CDK11B: variants seen among roughly 807,000 people sequenced by gnomAD.
The protein encoded by CDK11B is cyclin dependent kinase 11B, also known as cyclin-dependent kinase 11B.
A neutral mutation model predicts 84.0 loss-of-function variants in CDK11B; 37 were observed. The ratio of observed to expected loss-of-function variants is 0.44; its 90% CI spans 0.34 to 0.58. The LOEUF (loss-of-function observed/expected upper bound fraction) is 0.58, where lower values mean the gene tolerates loss of function less well. CDK11B is among the 20% of genes least tolerant of loss of function. The pLI, the probability that CDK11B is intolerant of heterozygous loss-of-function variation, is 0.02. For missense variants in CDK11B, 427 were observed against 834.0 expected, an observed-to-expected ratio of 0.51 and a Z score of 6.01; for synonymous variants, 269 against 309.8, an observed-to-expected ratio of 0.87 and a Z score of 1.38.
chr1:1,653,587 T>G (rs534878965), intron 3 of CDK11B, among the ~76,000 whole-genome samples: 1 of 151,782 alleles, frequency 6.6e-6, no homozygotes, highest in South Asian at 2.1e-4. Flanking sequence ...TCTCAAAGTG[T>G]TGGGATTACA....
At chr1:1,652,088 C>A (rs1225643993) in intron 4 of CDK11B, among the ~76,000 whole-genome samples, 1 of 144,180 alleles carries the variant, frequency 6.9e-6, no homozygotes, top group Non-Finnish European at 1.5e-5. Flanking sequence ...CCCTTCTGAA[C>A]GGTCTGTGAC....
chr1:1,641,325 G>A (rs1459337299), intron 9 of CDK11B, among the ~76,000 whole-genome samples: 3 of 147,368 alleles, frequency 2.0e-5, no homozygotes, highest in African/African-American at 4.9e-5. Flanking sequence ...CCTGGCCAAC[G>A]TGGTGAAACC....
intron 3 of CDK11B, chr1:1,654,065 G>C: frequency 2.3e-6 from 1 of 434,670 alleles, no homozygotes; most frequent in Non-Finnish European, 4.6e-6. Flanking sequence ...TCATTTAACA[G>C]TATCTTCAGC....
intron 2 of CDK11B, among the ~76,000 whole-genome samples, chr1:1,656,718 C>T (rs190390566): frequency 1.4e-3 from 209 of 152,058 alleles, no homozygotes; most frequent in Admixed American, 3.1e-3. Context: ...TGAACCCGGC[C>T]CTGGGCGACA....
rs1264208241 is a variant in CDK11B, at chr1:1,647,312, G to C, written c.495-2050C>G. 3.9e-5 allele frequency among the ~76,000 whole-genome samples: 6 copies of C among 152,370 alleles called. No homozygotes were observed. In the South Asian group the frequency reaches 8.3e-4, roughly 21 times the overall value. ...CACTGTCATACTTCTTTGTATTTTA[G>C]ATAATACATTTGTAGCAATTCTGGA... On this transcript the variant is annotated intron_variant, in intron 5 of 19. Transcript: ENST00000341832.
chr1:1,638,314 C>T (rs1475824082), intron 12 of CDK11B, among the ~76,000 whole-genome samples, 186 bp downstream of exon 12: 12 of 152,046 alleles, frequency 7.9e-5, no homozygotes, highest in Admixed American at 1.3e-4. Flanking sequence ...TGGGGCAGGC[C>T]GCCTGCTACT....
At chr1:1,658,261 TTG>T (rs1306705256) in intron 1 of CDK11B, among the ~76,000 whole-genome samples, 3 of 149,492 alleles carry the variant, frequency 2.0e-5, no homozygotes, top group Admixed American at 6.6e-5. Context: ...GGGAGACCGA[TTG>T]AGCCCAGGAG....
chr1:1,649,689 A>G, intron 4 of CDK11B, 52 bp from the exon 5 acceptor site: 1 of 1,588,326 alleles, frequency 6.3e-7, no homozygotes, highest in Non-Finnish European at 8.6e-7. Flanking sequence ...AAAATTTCAC[A>G]TGAAGCCGGG....
At position 1,649,537 on chromosome 1, in the gene CDK11B, C is replaced by G. The variant is rs1557704388; in HGVS notation, c.456G>C (p.Lys152Asn). The G allele has an allele frequency of 1.2e-6, 2 of 1,602,006 alleles. No homozygotes were observed. The highest frequency in any genetic ancestry group is 1.1e-5 in the South Asian group (1 of 90,844). ...DKARREWERQ[K>N]RREMAREHSR... ...AATGCTCCCTTGCCATCTCCCTTCT[C>G]TTCTGTCTTTCCCATTCCCGGCGAG... The change falls in exon 5 of 20, where the codon AAG becomes AAC. Residue 152 changes from lysine to asparagine, a missense_variant. Lys to Asn is a moderately conservative substitution (Grantham distance 94). Around this residue, in one of 12 missense-constraint regions of CDK11B, gnomAD observed 71 missense variants for 66.2 expected, o/e 1.07. Transcript: ENST00000341832.
chr1:1,644,762 T>TG (rs1640783840), intron 6 of CDK11B, among the ~76,000 whole-genome samples: 1 of 152,120 alleles, frequency 6.6e-6, no homozygotes, highest in African/African-American at 2.4e-5. Flanking sequence ...GAGGCCGAGG[T>TG]GGGTGGATCA....
chr1:1,648,826 A>G (rs4648606), intron 5 of CDK11B, among the ~76,000 whole-genome samples: 55,977 of 151,182 alleles, frequency 0.37, 11,802 homozygotes, highest in African/African-American at 0.58. Flanking sequence ...CTGGAGTGCA[A>G]TAGCATGGTC....
At chr1:1,656,772 G>C (rs1272232546) in intron 2 of CDK11B, among the ~76,000 whole-genome samples, 2 of 152,152 alleles carry the variant, frequency 1.3e-5, no homozygotes, top group Non-Finnish European at 2.9e-5. Context: ...CTAACAAAGT[G>C]AGCACATGCT....
chr1:1,649,465 T>TTA, intron 5 of CDK11B, 34 bp downstream of exon 5: 2 of 1,472,290 alleles, frequency 1.4e-6, no homozygotes, highest in Non-Finnish European at 1.9e-6. Flanking sequence ...CCACAGCCCT[T>TTA]TTATAAAGTC....
At chr1:1,648,457 C>T (rs2100889255) in intron 5 of CDK11B, among the ~76,000 whole-genome samples, 1 of 151,940 alleles carries the variant, frequency 6.6e-6, no homozygotes, top group Admixed American at 6.5e-5. Flanking sequence ...CAACAAGAAC[C>T]AGCGCCCTCT....
At chr1:1,653,124 A>G (rs1250784316) in intron 3 of CDK11B, among the ~76,000 whole-genome samples, 2 of 152,114 alleles carry the variant, frequency 1.3e-5, no homozygotes, top group East Asian at 1.9e-4. Context: ...TCCCAGGTTC[A>G]AGCAATTCTC....
intron 4 of CDK11B, among the ~76,000 whole-genome samples, chr1:1,650,491 G>A (rs1196457172): frequency 2.7e-5 from 4 of 147,948 alleles, no homozygotes; most frequent in Non-Finnish European, 4.5e-5. Flanking sequence ...TCAGCCTCCC[G>A]AGTAGCTGGT....
intron 3 of CDK11B, among the ~76,000 whole-genome samples, chr1:1,652,913 C>T (rs36146527): frequency 0.28 from 43,122 of 151,942 alleles, 6,803 homozygotes; most frequent in African/African-American, 0.43. Flanking sequence ...TTAGTAGAGA[C>T]GGGGTTTTAC....
chr1:1,639,309 C>T (rs1370966561), intron 11 of CDK11B, among the ~76,000 whole-genome samples: 6 of 151,764 alleles, frequency 4.0e-5, no homozygotes, highest in Non-Finnish European at 1.5e-5. Flanking sequence ...TCCAGCTACT[C>T]AGGAGGCTGA....
intron 6 of CDK11B, among the ~76,000 whole-genome samples, chr1:1,644,659 A>G (rs1640743612): frequency 6.6e-6 from 1 of 151,194 alleles, no homozygotes; most frequent in African/African-American, 2.5e-5. Flanking sequence ...GGGTGAAGAA[A>G]TAAAGATCTC....
Sources: gnomAD v4.1 joint callset for allele counts (sites outside exome capture counted in the v4.1 genomes callset) on GRCh38, gnomAD v4.1.1 for gene constraint, gnomAD v4.1.1 regional missense constraint, MANE v1.5 for transcripts, NCBI Gene and HGNC (gene_info 2026-07-23, HGNC 2026-07-21) for gene names.